ARHGAP5: variants seen among roughly 807,000 people sequenced by gnomAD.
ARHGAP5 encodes Rho GTPase activating protein 5, also known as rho GTPase-activating protein 5.
In ARHGAP5, 23 loss-of-function variants were observed where a neutral mutation model predicts 116.6. That is an observed-to-expected ratio of 0.20 (90% CI 0.14 to 0.28). The LOEUF (loss-of-function observed/expected upper bound fraction) is 0.28. Among genes scored for constraint, ARHGAP5 ranks in the 10% least tolerant of loss-of-function variants. ARHGAP5 has a pLI of 1.00. For missense variants in ARHGAP5, 1,405 were observed against 1,774.8 expected, an observed-to-expected ratio of 0.79 and a Z score of 3.74; for synonymous variants, 574 against 602.0, an observed-to-expected ratio of 0.95 and a Z score of 0.68.
chr14:32,087,502 T>TC (rs1444538321), intron 1 of ARHGAP5, among the ~76,000 whole-genome samples: 5 of 148,970 alleles, frequency 3.4e-5, no homozygotes, highest in Admixed American at 1.3e-4. Flanking sequence ...TTTTTTTTTT[T>TC]CAAACCAAAG....
chr14:32,125,762 A>T (rs1036333515), intron 3 of ARHGAP5, among the ~76,000 whole-genome samples: 2 of 152,202 alleles, frequency 1.3e-5, no homozygotes, highest in Admixed American at 1.3e-4. Flanking sequence ...CTTCGAATCC[A>T]TGAATGTTTG....
At chr14:32,140,227 C>T (rs1377698360) in intron 3 of ARHGAP5, among the ~76,000 whole-genome samples, 1 of 150,018 alleles carries the variant, frequency 6.7e-6, no homozygotes, top group Non-Finnish European at 1.5e-5. Flanking sequence ...ACTAAATCGT[C>T]ATCTAGAAGT....
At position 32,152,537 on chromosome 14, in the gene ARHGAP5, AT is replaced by A. The variant is rs781386990; in HGVS notation, c.4181+16del. On this transcript the variant is annotated intron_variant, in intron 6 of 6. Transcript: ENST00000345122. ...ATAACACATCTAAACAGGTATTTTT[AT>A]TTTTTTAGGGTTTTTTGGCAAATAA... is the stretch of plus-strand genomic sequence containing the variant. 4.7e-6 allele frequency: 7 copies of A among 1,496,476 alleles called. No homozygotes were observed. Among genetic ancestry groups the A allele is most frequent in the Non-Finnish European group, 5.4e-6 (6 of 1,112,056 alleles). 92.7% of individuals were successfully genotyped at this position (1,496,476 alleles called of 1,614,324 possible). A position where few individuals can be genotyped will look rare whatever the true frequency, so the allele number is the denominator to read the frequency against.
At chr14:32,122,028 CAT>C (rs1199699725) in intron 3 of ARHGAP5, among the ~76,000 whole-genome samples, 4 of 152,104 alleles carry the variant, frequency 2.6e-5, no homozygotes, top group Admixed American at 1.3e-4. Flanking sequence ...TGTGTGTGGA[CAT>C]ATGTTTTCAC....
At chr14:32,114,841 T>C (rs978886941) in intron 2 of ARHGAP5, among the ~76,000 whole-genome samples, 5 of 152,204 alleles carry the variant, frequency 3.3e-5, no homozygotes, top group African/African-American at 1.2e-4. Context: ...GAAACTAAGA[T>C]GAAGACTATT....
chr14:32,120,396 T>G (rs1879824029), intron 3 of ARHGAP5, among the ~76,000 whole-genome samples: 1 of 151,874 alleles, frequency 6.6e-6, no homozygotes, highest in Non-Finnish European at 1.5e-5. Context: ...TTTTTTCCAT[T>G]TTTTAATTTA....
Position 32,154,926 on chromosome 14 carries a change from C to T in ARHGAP5, c.4487C>T (p.Thr1496Met), listed in dbSNP as rs200147073. ...QPQLIQPQLQ[T>M]DPLGII ...CAGCTGATACAACCACAATTACAAA[C>T]GGATCCTCTTGGTATTATATGAGTA... The change falls in exon 7 of 7, where the codon ACG becomes ATG. Residue 1496 changes from threonine (T) to methionine (M), a missense_variant. Physicochemically the swap from Thr to Met is moderately conservative, Grantham distance 81 (BLOSUM62 -1). This residue lies in a region of ARHGAP5 where 85 missense variants were observed against 96.6 expected (regional missense o/e 0.88). Coordinates refer to ENST00000345122, the MANE Select transcript of ARHGAP5 (RefSeq NM_001030055.2). 6.0e-5 allele frequency: 97 copies of T among 1,613,596 alleles called. No homozygotes were observed. Among genetic ancestry groups the T allele is most frequent in the Non-Finnish European group, 7.5e-5 (89 of 1,179,696 alleles).
intron 1 of ARHGAP5, among the ~76,000 whole-genome samples, chr14:32,083,777 T>C (rs1285688996): frequency 6.6e-6 from 1 of 152,200 alleles, no homozygotes; most frequent in Non-Finnish European, 1.5e-5. Context: ...TATATGGCAT[T>C]GTAATATTGC....
chr14:32,094,088 G>A lies in ARHGAP5; in HGVS notation c.3419G>A (p.Arg1140Lys). 6.2e-7 allele frequency: 1 copy of A among 1,613,984 alleles called. No individual in the cohort carries two copies. Among genetic ancestry groups the A allele is most frequent in the Non-Finnish European group, 8.5e-7 (1 of 1,179,966 alleles). Residue 1140 changes from arginine to lysine, a missense_variant, in exon 2 of 7, where the codon AGA (arginine) becomes AAA (lysine). Physicochemically the swap from Arg to Lys is conservative, Grantham distance 26 (BLOSUM62 2). Coordinates refer to ENST00000345122, the MANE Select transcript of ARHGAP5 (RefSeq NM_001030055.2). ...QGDEENGFSD[R>K]TSKSHGERRP... ...GATGAAGAAAATGGGTTTTCTGATA[G>A]AACCTCAAAAAGTCATGGGGAACGG...
At chr14:32,083,461 TA>T (rs1330252075) in intron 1 of ARHGAP5, among the ~76,000 whole-genome samples, 1 of 152,256 alleles carries the variant, frequency 6.6e-6, no homozygotes, top group Non-Finnish European at 1.5e-5. Context: ...CCTGGCCCTT[TA>T]CAGAAAAAGT....
At chr14:32,154,036 GT>G (rs1419840126) in intron 6 of ARHGAP5, 2 of 152,326 alleles carry the variant, frequency 1.3e-5, no homozygotes, top group African/African-American at 4.8e-5. Flanking sequence ...GCATACTCTG[GT>G]TTTTCATCTC....
At chr14:32,114,230 A>C (rs1341590672) in intron 2 of ARHGAP5, among the ~76,000 whole-genome samples, 1 of 151,844 alleles carries the variant, frequency 6.6e-6, no homozygotes, top group Admixed American at 6.6e-5. Flanking sequence ...TCCGTCTCAA[A>C]AAAAAAAAAA....
intron 2 of ARHGAP5, among the ~76,000 whole-genome samples, chr14:32,107,645 T>G: frequency 6.6e-6 from 1 of 152,214 alleles, no homozygotes; most frequent in South Asian, 2.1e-4. Flanking sequence ...AAACCAAGGT[T>G]GACTCCTAGG....
chr14:32,097,475 C>G (rs148412821), intron 2 of ARHGAP5, among the ~76,000 whole-genome samples: 83 of 152,254 alleles, frequency 5.5e-4, no homozygotes, highest in African/African-American at 1.8e-3. Context: ...TAAGAACTTT[C>G]TTGAAAACGT....
intron 2 of ARHGAP5, among the ~76,000 whole-genome samples, chr14:32,106,321 A>G (rs1879017314): frequency 6.6e-6 from 1 of 152,028 alleles, no homozygotes; most frequent in African/African-American, 2.4e-5. Context: ...GGCTTTCACC[A>G]TCTTGGCCAG....
At position 32,093,776 on chromosome 14, in the gene ARHGAP5, T is replaced by C; in HGVS notation, c.3107T>C (p.Val1036Ala). Residue 1036 changes from valine (V) to alanine (A), a missense_variant, in exon 2 of 7, where the codon GTG becomes GCG. Val to Ala is a moderately conservative substitution (Grantham distance 64). Transcript: ENST00000345122. The stretch of plus-strand genomic sequence containing the variant: ...CATGACCATGAACGCAACCATAAAG[T>C]GCCTCCACCTATTAAACCTAAACCA... ...NCHDHERNHK[V>A]PPPIKPKPVV... The C allele has an allele frequency of 6.2e-7, 1 of 1,614,096 alleles. No individual in the cohort carries two copies. The highest frequency in any genetic ancestry group is 1.1e-5 in the South Asian group (1 of 91,080).
In ARHGAP5 at chr14:32,157,223, T is replaced by C. The variant is rs1881930044; in HGVS notation, c.*2275T>C. On this transcript the variant is annotated 3_prime_UTR_variant, in exon 7 of 7. Coordinates refer to ENST00000345122, the MANE Select transcript of ARHGAP5 (RefSeq NM_001030055.2). ...AAAGTACAGTTTAAAGCTCAGTCTG[T>C]TACACTGAATTGATTGTGTTTGTTT... is the stretch of plus-strand genomic sequence containing the variant. 1 of 151,174 alleles carries C rather than the reference T, an allele frequency of 6.6e-6. No homozygotes were observed. Among genetic ancestry groups the C allele is most frequent in the African/African-American group, 2.4e-5 (1 of 41,378 alleles). The allele number at this position is 151,174 out of a possible 1,614,324, so 9.4% of individuals were successfully genotyped here.
At chr14:32,109,254 T>C (rs1437727968) in intron 2 of ARHGAP5, among the ~76,000 whole-genome samples, 2 of 152,060 alleles carry the variant, frequency 1.3e-5, no homozygotes, top group Non-Finnish European at 2.9e-5. Flanking sequence ...AATTTTGGCT[T>C]CCTTTTTTCT....
At chr14:32,128,716 C>T (rs977531435) in intron 3 of ARHGAP5, among the ~76,000 whole-genome samples, 1 of 152,232 alleles carries the variant, frequency 6.6e-6, no homozygotes, top group African/African-American at 2.4e-5. Flanking sequence ...GGAATAAATG[C>T]TTTTGGGATT....
Sources: allele counts gnomAD v4.1 joint callset (sites outside exome capture counted in the v4.1 genomes callset), GRCh38; gene constraint gnomAD v4.1.1; regional missense constraint gnomAD v4.1.1; transcripts MANE v1.5; gene names NCBI Gene and HGNC (gene_info 2026-07-23, HGNC 2026-07-21).